Variants in AUTS2 observed in about 807,000 individuals in gnomAD.
AUTS2 encodes the protein activator of transcription and developmental regulator AUTS2, also known as autism susceptibility gene 2 protein.
A neutral mutation model predicts 112.4 loss-of-function variants in AUTS2; 17 were observed. The ratio of observed to expected loss-of-function variants is 0.15; its 90% CI spans 0.10 to 0.23. AUTS2 has a LOEUF of 0.23. AUTS2 is among the 10% of genes least tolerant of loss of function. The pLI is 1.00. For missense variants in AUTS2, 1,510 were observed against 1,701.6 expected (o/e 0.89, Z 1.98); for synonymous variants, 751 against 702.7 (o/e 1.07, Z -1.09).
intron 2 of AUTS2, among the ~76,000 whole-genome samples, chr7:70,024,736 A>T (rs1435727847): frequency 2.0e-5 from 3 of 152,136 alleles, no homozygotes; most frequent in Non-Finnish European, 4.4e-5. Context: ...GGCAAGCAGT[A>T]GGTTGGAAAT....
intron 4 of AUTS2, among the ~76,000 whole-genome samples, chr7:70,361,319 C>T (rs541548482): frequency 7.9e-5 from 12 of 151,340 alleles, no homozygotes; most frequent in African/African-American, 2.7e-4. Flanking sequence ...GGTAACAGAG[C>T]GAGACTCCGT....
intron 5 of AUTS2, among the ~76,000 whole-genome samples, chr7:70,477,623 T>C (rs554590862): frequency 4.0e-4 from 61 of 152,308 alleles, no homozygotes; most frequent in African/African-American, 1.5e-3. Context: ...GACATTTCCA[T>C]AATTAATTTA....
At position 70,203,017 on chromosome 7, in the gene AUTS2, T is replaced by G. The variant is rs529574559; in HGVS notation, c.660+68446T>G. 1.0e-4 allele frequency among the ~76,000 whole-genome samples: 14 copies of G among 136,688 alleles called. 1 individual carries two copies. The South Asian group carries it at 3.3e-3, about 33-fold the overall frequency. The allele number at this position is 136,688 out of a possible 152,430, so 89.7% of individuals were successfully genotyped here. On this transcript the variant is annotated intron_variant, in intron 4 of 18. Coordinates refer to ENST00000342771, the MANE Select transcript of AUTS2 (RefSeq NM_015570.4). Reference sequence around the variant, plus strand: ...TACACCATGGAATACTATGCAGCCATAAAAAATGATGAGTTCATATCCTTT... The same window carrying G: ...TACACCATGGAATACTATGCAGCCAGAAAAAATGATGAGTTCATATCCTTT...
rs1801131158 is a variant in AUTS2 at position 70,553,958 on chromosome 7, G to T, written c.690+118177G>T. 2.0e-5 allele frequency among the ~76,000 whole-genome samples: 3 copies of T among 150,780 alleles called. No individual in the cohort carries two copies. In the South Asian group the frequency reaches 6.3e-4, roughly 32 times the overall value. On this transcript the variant is annotated intron_variant, in intron 5 of 18. Transcript: ENST00000342771. ...CATTTTTTTTTGTATTTTTAGTAGA[G>T]ACGGTGTTTCACCACATTGGTCAGG...
Position 70,278,580 on chromosome 7 carries a change from AACATACATACATACATACAT to A in AUTS2, c.660+144035_660+144054del, listed in dbSNP as rs59363161. Among the ~76,000 whole-genome samples the A allele has an allele frequency of 7.3e-5, 11 of 149,760 alleles. No individual in the cohort carries two copies. In the South Asian group the frequency reaches 8.7e-4, roughly 12 times the overall value. On this transcript the variant is annotated intron_variant, in intron 4 of 18. Transcript: ENST00000342771. The stretch of plus-strand genomic sequence containing the variant: ...TGACAGAGTAAGACAGTCTCTCAAA[AACATACATACATACATACAT>A]ACATACATACATACATACATACATA...
intron 4 of AUTS2, among the ~76,000 whole-genome samples, chr7:70,192,897 G>T (rs1454136979): frequency 6.6e-6 from 1 of 152,176 alleles, no homozygotes; most frequent in East Asian, 1.9e-4. Context: ...CCTTGCATTT[G>T]TTGTATCTTA....
intron 4 of AUTS2, among the ~76,000 whole-genome samples, chr7:70,373,104 T>G (rs909360650): frequency 2.6e-5 from 4 of 151,944 alleles, no homozygotes; most frequent in Non-Finnish European, 4.4e-5. Context: ...GAATAATTTA[T>G]GGAGGTTGCT....
At chr7:70,262,363 T>C (rs1423651067) in intron 4 of AUTS2, among the ~76,000 whole-genome samples, 1 of 152,134 alleles carries the variant, frequency 6.6e-6, no homozygotes, top group East Asian at 1.9e-4. Context: ...CCAATTTTTG[T>C]ATTTTTACTA....
At chr7:70,760,001 C>G (rs1789455905) in intron 6 of AUTS2, among the ~76,000 whole-genome samples, 1 of 151,720 alleles carries the variant, frequency 6.6e-6, no homozygotes, top group Non-Finnish European at 1.5e-5. Flanking sequence ...CAGAGTAATA[C>G]AAAAAGATTT....
Position 69,599,557 on chromosome 7 carries a change from G to C in AUTS2, c.-97G>C. 2 of 1,150,158 alleles carry C rather than the reference G, an allele frequency of 1.7e-6. No individual in the cohort carries two copies. Among genetic ancestry groups the C allele is most frequent in the Non-Finnish European group, 1.1e-6 (1 of 918,084 alleles). The allele number at this position is 1,150,158 out of a possible 1,614,324, so 71.2% of individuals were successfully genotyped here. On this transcript the variant is annotated 5_prime_UTR_variant, in exon 1 of 19. Coordinates refer to ENST00000342771, the MANE Select transcript of AUTS2 (RefSeq NM_015570.4). The surrounding 1 kb of genome is among the most constrained non-coding windows in gnomAD (Gnocchi z 7.0). ...GCCCTCCTCGGGGCGGAGGGAAGCC[G>C]TGAAGGGGGAGGGAGGGCTCGGTGT...
intron 5 of AUTS2, among the ~76,000 whole-genome samples, chr7:70,686,941 C>T (rs1220342206): frequency 1.3e-5 from 2 of 152,174 alleles, no homozygotes; most frequent in Non-Finnish European, 2.9e-5. Flanking sequence ...CATTATTTTC[C>T]TCAATCTGTC....
chr7:70,727,112 G>A (rs978778021), intron 6 of AUTS2, among the ~76,000 whole-genome samples: 2 of 152,168 alleles, frequency 1.3e-5, no homozygotes, highest in Non-Finnish European at 1.5e-5. Flanking sequence ...CAGAACCTCT[G>A]CAGTGTCTAA....
intron 4 of AUTS2, among the ~76,000 whole-genome samples, chr7:70,338,083 C>T (rs927723251): frequency 6.6e-5 from 10 of 152,218 alleles, no homozygotes. Flanking sequence ...TGCCAATCTC[C>T]AGTAATCTTC....
chr7:69,901,481 C>T (rs1794968946), intron 2 of AUTS2, among the ~76,000 whole-genome samples: 3 of 152,164 alleles, frequency 2.0e-5, no homozygotes, highest in Admixed American at 6.5e-5. Context: ...GTTTTATGAT[C>T]GGAAAAGAAG....
intron 5 of AUTS2, among the ~76,000 whole-genome samples, chr7:70,503,691 A>G (rs1228699796): frequency 6.6e-6 from 1 of 151,460 alleles, no homozygotes; most frequent in Non-Finnish European, 1.5e-5. Flanking sequence ...CTAATGTTTT[A>G]AATTTTTTGT....
At chr7:70,114,932 A>G (rs1805280618) in intron 2 of AUTS2, among the ~76,000 whole-genome samples, 1 of 152,256 alleles carries the variant, frequency 6.6e-6, no homozygotes, top group South Asian at 2.1e-4. Context: ...GCTGTCTGAC[A>G]GCTTAAAATC....
At chr7:70,150,489 G>A (rs1414621150) in intron 4 of AUTS2, among the ~76,000 whole-genome samples, 1 of 152,134 alleles carries the variant, frequency 6.6e-6, no homozygotes, top group Non-Finnish European at 1.5e-5. Context: ...TAGACATGCT[G>A]TTCTTAATTA....
At chr7:69,633,762 A>T (rs1050456756) in intron 1 of AUTS2, among the ~76,000 whole-genome samples, 5 of 152,046 alleles carry the variant, frequency 3.3e-5, no homozygotes, top group Non-Finnish European at 7.4e-5. Flanking sequence ...AAAAATGTCT[A>T]TTCAGGTCTT....
At chr7:70,054,365 CCTTG>C (rs1345113193) in intron 2 of AUTS2, among the ~76,000 whole-genome samples, 6 of 152,012 alleles carry the variant, frequency 3.9e-5, no homozygotes. Flanking sequence ...TTTTATTTCT[CCTTG>C]CTTCTTTGCT....
Sources: allele counts gnomAD v4.1 joint callset (sites outside exome capture counted in the v4.1 genomes callset), GRCh38; gene constraint gnomAD v4.1.1; non-coding constraint Gnocchi (gnomAD v3.1); transcripts MANE v1.5; gene names NCBI Gene and HGNC (gene_info 2026-07-23, HGNC 2026-07-21).